The following ANO10 variants were observed in gnomAD, a reference collection of about 807,000 sequenced individuals.
ANO10 encodes the protein anoctamin 10.
Under a neutral mutation model 74.7 loss-of-function variants are expected in ANO10, and 77 were observed. That is an observed-to-expected ratio of 1.03 (90% CI 0.86 to 1.25). The LOEUF (loss-of-function observed/expected upper bound fraction) is 1.25, where lower values mean the gene tolerates loss of function less well. Ranked by LOEUF, ANO10 falls within the 50% of genes most tolerant of loss-of-function variation. The pLI is 0.00. For synonymous variants in ANO10, 279 were observed against 284.9 expected (o/e 0.98, Z 0.21); for missense variants, 721 against 778.1 (o/e 0.93, Z 0.87).
intron 5 of ANO10, among the ~76,000 whole-genome samples, chr3:43,579,313 C>G (rs1022672213): frequency 6.6e-6 from 1 of 152,172 alleles, no homozygotes; most frequent in African/African-American, 2.4e-5. Context: ...GTTTGGCCTG[C>G]TAGTTGCCCT....
Position 43,598,574 on chromosome 3 carries a change from G to T in ANO10, c.430C>A (p.Pro144Thr). Residue 144 changes from proline to threonine, a missense_variant, in exon 4 of 13, where the codon CCT becomes ACT. Pro to Thr is a conservative substitution (Grantham distance 38, BLOSUM62 -1). Transcript: ENST00000292246. The part of the protein sequence containing the change: ...NLRAKDEKMI[P>T]GYPQAKLYPG... ...TACAACTTTGCCTGAGGGTAACCAG[G>T]GATCATTTTTTCATCTTTAGCTCTA... The T allele has an allele frequency of 2.5e-6, 4 of 1,612,820 alleles. No homozygotes were observed. The highest frequency in any genetic ancestry group is 3.4e-6 in the Non-Finnish European group (4 of 1,179,548).
At chr3:43,471,631 G>A (rs2075862551) in intron 11 of ANO10, among the ~76,000 whole-genome samples, 1 of 152,060 alleles carries the variant, frequency 6.6e-6, no homozygotes, top group Non-Finnish European at 1.5e-5. Flanking sequence ...AAAAAAGAAA[G>A]AAAAAGAAAA....
chr3:43,525,540 C>A (rs1238197319), intron 11 of ANO10, among the ~76,000 whole-genome samples: 2 of 152,150 alleles, frequency 1.3e-5, no homozygotes, highest in Non-Finnish European at 2.9e-5. Flanking sequence ...AAGTGAGCAC[C>A]CCCACGAGGC....
intron 11 of ANO10, among the ~76,000 whole-genome samples, chr3:43,470,604 ATTT>A (rs2075814411): frequency 6.9e-6 from 1 of 144,902 alleles, no homozygotes; most frequent in Non-Finnish European, 1.5e-5. Context: ...TATTTTATTT[ATTT>A]ATTTATTTAT....
Position 43,570,900 on chromosome 3 carries a change from C to A in ANO10, c.1218+3909G>T, listed in dbSNP as rs1288283460. Among the ~76,000 whole-genome samples the A allele has an allele frequency of 2.2e-5, 3 of 136,462 alleles. No individual in the cohort carries two copies. The East Asian group carries it at 6.2e-4, about 28-fold the overall frequency. The allele number at this position is 136,462 out of a possible 152,430, so 89.5% of individuals were successfully genotyped here. On this transcript the variant is annotated intron_variant, in intron 7 of 12. Transcript: ENST00000292246. ...ACTACCATCAGAGTGAACAGGCAACCTACAAAATGGGAGAAAATTTTCGCA... is the reference window on the plus strand; with the variant it reads ...ACTACCATCAGAGTGAACAGGCAACATACAAAATGGGAGAAAATTTTCGCA...
chr3:43,686,989 C>G (rs1007249575), intron 1 of ANO10, among the ~76,000 whole-genome samples: 1 of 151,488 alleles, frequency 6.6e-6, no homozygotes, highest in South Asian at 2.1e-4. Context: ...TCCAAGAAGC[C>G]CTAAAGTCAT....
At chr3:43,548,701 A>T (rs970948846) in intron 11 of ANO10, among the ~76,000 whole-genome samples, 5 of 152,222 alleles carry the variant, frequency 3.3e-5, no homozygotes, top group Admixed American at 6.5e-5. Context: ...AGAGTTCCAT[A>T]ACTGTTTTGT....
chr3:43,572,270 G>A (rs1389835429), intron 7 of ANO10, among the ~76,000 whole-genome samples: 1 of 152,190 alleles, frequency 6.6e-6, no homozygotes, highest in Non-Finnish European at 1.5e-5. Flanking sequence ...CTGGGGAAGT[G>A]CTCTTCTTCC....
At chr3:43,684,717 G>GT (rs2084251233) in intron 1 of ANO10, among the ~76,000 whole-genome samples, 1 of 152,186 alleles carries the variant, frequency 6.6e-6, no homozygotes, top group East Asian at 1.9e-4. Context: ...TTAAGAAAAT[G>GT]TGGCACATAT....
chr3:43,557,241 T>C (rs2079795850), intron 9 of ANO10, among the ~76,000 whole-genome samples: 1 of 151,798 alleles, frequency 6.6e-6, no homozygotes, highest in Non-Finnish European at 1.5e-5. Context: ...CAACCAGACG[T>C]CAACACATCC....
intron 11 of ANO10, among the ~76,000 whole-genome samples, chr3:43,530,391 T>C (rs34959531): frequency 0.13 from 19,806 of 149,760 alleles, 1,754 homozygotes; most frequent in Middle Eastern, 0.26. Context: ...ATAGAGGTTA[T>C]ATAGGTTATA....
chr3:43,405,994 T>A (rs73831294), intron 12 of ANO10, among the ~76,000 whole-genome samples: 3,575 of 152,206 alleles, frequency 0.023, 147 homozygotes, highest in African/African-American at 0.081. Flanking sequence ...TTCTTGAAAG[T>A]ATACTGTGAA....
chr3:43,658,333 G>A (rs1013601940), intron 1 of ANO10, among the ~76,000 whole-genome samples: 8 of 152,108 alleles, frequency 5.3e-5, no homozygotes, highest in African/African-American at 1.9e-4. Context: ...GCATTAGCAT[G>A]GTTCAGTACA....
At chr3:43,529,819 C>A (rs921383211) in intron 11 of ANO10, among the ~76,000 whole-genome samples, 4 of 152,054 alleles carry the variant, frequency 2.6e-5, no homozygotes, top group African/African-American at 9.6e-5. Context: ...AGGTATAAAA[C>A]TAACTTTCCT....
intron 1 of ANO10, among the ~76,000 whole-genome samples, chr3:43,617,275 A>G (rs76428173): frequency 0.021 from 3,154 of 151,594 alleles, 262 homozygotes; most frequent in Admixed American, 0.15. Flanking sequence ...TCTAAAAACA[A>G]TGATTTGACC....
chr3:43,614,747 C>T (rs151127089), intron 1 of ANO10, among the ~76,000 whole-genome samples: 1 of 99,144 alleles, frequency 1.0e-5, no homozygotes, highest in East Asian at 3.5e-4. Flanking sequence ...AGAATTTATC[C>T]CAAATTCTTA....
chr3:43,682,601 A>C (rs1458888203), intron 1 of ANO10, among the ~76,000 whole-genome samples: 2 of 152,228 alleles, frequency 1.3e-5, no homozygotes, highest in Non-Finnish European at 2.9e-5. Context: ...TCATCCTGAT[A>C]CCAAAGCCTG....
upstream of ANO10, among the ~76,000 whole-genome samples, chr3:43,623,783 A>G (rs894697152): frequency 2.6e-5 from 4 of 152,176 alleles, no homozygotes; most frequent in Admixed American, 2.6e-4. Flanking sequence ...AGCTCACAAC[A>G]TTATTAACCA....
At chr3:43,690,892 T>TG in intron 1 of ANO10, 1 of 1,321,842 alleles carries the variant, frequency 7.6e-7, no homozygotes, top group Non-Finnish European at 1.0e-6. Flanking sequence ...ACGCATGCGC[T>TG]GGCGGCCTGC....
Sources: gnomAD v4.1 joint callset for allele counts (sites outside exome capture counted in the v4.1 genomes callset) on GRCh38, gnomAD v4.1.1 for gene constraint, MANE v1.5 for transcripts, NCBI Gene and HGNC (gene_info 2026-07-23, HGNC 2026-07-21) for gene names.